Variants in SARM1 observed in about 807,000 individuals in gnomAD.
The protein encoded by SARM1 is sterile alpha and TIR motif containing 1.
In SARM1, 60 loss-of-function variants were observed where a neutral mutation model predicts 65.1. The ratio of observed to expected loss-of-function variants is 0.92; its 90% CI spans 0.75 to 1.14. The LOEUF is 1.14. Ranked by LOEUF, SARM1 falls within the 50% of genes most tolerant of loss-of-function variation. The pLI is 0.00. For synonymous variants in SARM1, 417 were observed against 465.4 expected, an observed-to-expected ratio of 0.90 and a Z score of 1.34; for missense variants, 913 against 1,015.7, an observed-to-expected ratio of 0.90 and a Z score of 1.37.
At position 28,381,206 on chromosome 17, in the gene SARM1, C is replaced by T. The variant is rs782409137; in HGVS notation, c.474C>T (p.Asp158=). 4.6e-5 allele frequency: 73 copies of T among 1,593,954 alleles called. No individual in the cohort carries two copies. The highest frequency in any genetic ancestry group is 2.1e-4 in the Admixed American group (12 of 57,736). Residue 158 remains aspartate (D), a synonymous_variant, in exon 2 of 9, where the codon GAC becomes GAT. Coordinates refer to ENST00000585482, the MANE Select transcript of SARM1 (RefSeq NM_015077.4). ...LEQILVAENR[D]RVARIGLGVI... ...CCCTTCCACTTTCACTGGGCAGAGA[C>T]CGCGTGGCGCGCATTGGGCTGGGCG...
intron 7 of SARM1, among the ~76,000 whole-genome samples, chr17:28,391,174 G>A (rs1555586806): frequency 1.3e-5 from 2 of 152,192 alleles, no homozygotes; most frequent in Non-Finnish European, 2.9e-5. Flanking sequence ...GCCATGGTGG[G>A]AGTATTTACA....
At chr17:28,380,208 A>C (rs1404764287) in intron 1 of SARM1, among the ~76,000 whole-genome samples, 38 of 149,304 alleles carry the variant, frequency 2.5e-4, no homozygotes, top group East Asian at 1.4e-3. Context: ...GGCATGAGCC[A>C]CCTTGCCCAG....
Position 28,400,745 on chromosome 17 carries a change from G to A in SARM1, c.*4459G>A. ...CAGCATGGCCAGGCTATTCACACAG[G>A]CCACAGCAGAAAAGAGAGCACCTGT... is the stretch of plus-strand genomic sequence containing the variant. On this transcript the variant is annotated 3_prime_UTR_variant, in exon 9 of 9. Coordinates refer to ENST00000585482, the MANE Select transcript of SARM1 (RefSeq NM_015077.4). 1.3e-6 allele frequency: 2 copies of A among 1,584,968 alleles called. No homozygotes were observed. The highest frequency in any genetic ancestry group is 1.3e-5 in the African/African-American group (1 of 74,450).
Position 28,384,296 on chromosome 17 carries a change from A to T in SARM1, c.1090-61A>T. 7.3e-7 allele frequency: 1 copy of T among 1,367,176 alleles called. No individual in the cohort carries two copies. Among genetic ancestry groups the T allele is most frequent in the Non-Finnish European group, 1.0e-6 (1 of 998,936 alleles). 84.7% of individuals were successfully genotyped at this position (1,367,176 alleles called of 1,614,324 possible). On this transcript the variant is annotated intron_variant, in intron 2 of 8. Coordinates refer to ENST00000585482, the MANE Select transcript of SARM1 (RefSeq NM_015077.4). The surrounding 1 kb of genome is among the most constrained non-coding windows in gnomAD (Gnocchi z 4.4). The stretch of plus-strand genomic sequence containing the variant: ...GAAGAGACAAGGAGAGGGACTGGGC[A>T]CGTGTGGGAGCACCTGGAGAGCTGG...
rs2068130202 is a variant in SARM1, at chr17:28,396,790, T to TA, written c.*505dup. On this transcript the variant is annotated 3_prime_UTR_variant, in exon 9 of 9. Coordinates refer to ENST00000585482, the MANE Select transcript of SARM1 (RefSeq NM_015077.4). ...TCAGACTGTGCCTGGCCCCTGCACT[T>TA]ACAACTTCCTGCCGCTCTGTGGCCT... is the stretch of plus-strand genomic sequence containing the variant. The TA allele has an allele frequency of 1.3e-5, 2 of 157,312 alleles. No individual in the cohort carries two copies. The highest frequency in any genetic ancestry group is 4.8e-5 in the African/African-American group (2 of 41,506). The allele number at this position is 157,312 out of a possible 1,614,324, so 9.7% of individuals were successfully genotyped here. A position where few individuals can be genotyped will look rare whatever the true frequency, so the allele number is the denominator to read the frequency against.
rs1008846302 is a variant in SARM1, at chr17:28,402,001, A to G, written c.*5715A>G. ...AATCCTCTGCTCTGGTTATCTAGAA[A>G]GAACATAATTGTGCTCTGCTGACTG... On this transcript the variant is annotated 3_prime_UTR_variant, in exon 9 of 9. Transcript: ENST00000585482. 2 of 427,248 alleles carry G rather than the reference A, an allele frequency of 4.7e-6. No homozygotes were observed. Among genetic ancestry groups the G allele is most frequent in the Admixed American group, 3.7e-5 (1 of 27,134 alleles). The allele number at this position is 427,248 out of a possible 1,614,324, so 26.5% of individuals were successfully genotyped here.
In SARM1 at chr17:28,384,793, A is replaced by G. The variant is rs782679353; in HGVS notation, c.1303-46A>G. 6.6e-7 allele frequency: 1 copy of G among 1,512,236 alleles called. No homozygotes were observed. The highest frequency in any genetic ancestry group is 2.5e-5 in the East Asian group (1 of 40,668). 93.7% of individuals were successfully genotyped at this position (1,512,236 alleles called of 1,614,324 possible). On this transcript the variant is annotated intron_variant, in intron 3 of 8. Transcript: ENST00000585482. The surrounding 1 kb of genome is among the most constrained non-coding windows in gnomAD (Gnocchi z 4.4). ...CCTTGCATCTTGTGCTCGAGGTCCAAGGGCGGAGTAGCGAAGCCCTTCCTG... is the reference window on the plus strand; with the variant it reads ...CCTTGCATCTTGTGCTCGAGGTCCAGGGGCGGAGTAGCGAAGCCCTTCCTG...
In SARM1 at chr17:28,400,500, A is replaced by C. The variant is rs1235337958; in HGVS notation, c.*4214A>C. On this transcript the variant is annotated 3_prime_UTR_variant, in exon 9 of 9. Coordinates refer to ENST00000585482, the MANE Select transcript of SARM1 (RefSeq NM_015077.4). ...AGGGGCAACCTGGGACAAGACACCC[A>C]GAGGGTAAGGATTCCAGGAATGAAG... The C allele has an allele frequency of 7.0e-7, 1 of 1,427,940 alleles. No individual in the cohort carries two copies. The highest frequency in any genetic ancestry group is 9.5e-7 in the Non-Finnish European group (1 of 1,053,732). The allele number at this position is 1,427,940 out of a possible 1,614,324, so 88.5% of individuals were successfully genotyped here. A position where few individuals can be genotyped will look rare whatever the true frequency, so the allele number is the denominator to read the frequency against.
At chr17:28,382,813 A>C (rs1273614226) in intron 2 of SARM1, among the ~76,000 whole-genome samples, 2 of 148,590 alleles carry the variant, frequency 1.3e-5, no homozygotes, top group Admixed American at 1.4e-4. Context: ...CAGCCTCCCA[A>C]GTAGCTGGGA....
At chr17:28,382,656 A>T (rs1274586777) in intron 2 of SARM1, among the ~76,000 whole-genome samples, 1 of 152,148 alleles carries the variant, frequency 6.6e-6, no homozygotes, top group African/African-American at 2.4e-5. Context: ...AAAATTCAGT[A>T]AATTGGACCA....
At chr17:28,374,970 C>CAAAA (rs35032822) in intron 1 of SARM1, among the ~76,000 whole-genome samples, 18 of 70,440 alleles carry the variant, frequency 2.6e-4, no homozygotes, top group East Asian at 7.8e-4. Context: ...CAGACCTTGT[C>CAAAA]AAAAAAAAAA....
intron 7 of SARM1, chr17:28,395,554 A>C: frequency 4.6e-6 from 1 of 218,826 alleles, no homozygotes; most frequent in East Asian, 1.1e-4. Flanking sequence ...CCAATCCTCT[A>C]GTCATGCCCT....
chr17:28,387,012 T>C (rs1409629620), intron 5 of SARM1, among the ~76,000 whole-genome samples: 1 of 152,188 alleles, frequency 6.6e-6, no homozygotes, highest in Non-Finnish European at 1.5e-5. Flanking sequence ...GTGTTGAGAT[T>C]ACGGGCGTGG....
intron 6 of SARM1, 32 bp downstream of exon 6, chr17:28,388,308 G>A (rs370037595): frequency 1.8e-4 from 293 of 1,601,692 alleles, no homozygotes; most frequent in African/African-American, 9.2e-4. Flanking sequence ...GCGACGGGGC[G>A]TGGGGACAAG....
Position 28,389,435 on chromosome 17 carries a change from C to T in SARM1, c.1923+896C>T, listed in dbSNP as rs1322670658. ...TTCAGTGCCTGACGCATTGTAGGAACTTATTGAATACTAACAGAATGCATT... is the reference window on the plus strand; with the variant it reads ...TTCAGTGCCTGACGCATTGTAGGAATTTATTGAATACTAACAGAATGCATT... On this transcript the variant is annotated intron_variant, in intron 7 of 8. Transcript: ENST00000585482. Among the ~76,000 whole-genome samples the T allele has an allele frequency of 3.9e-5, 6 of 152,274 alleles. No individual in the cohort carries two copies. In the South Asian group the frequency reaches 1.2e-3, roughly 32 times the overall value.
At chr17:28,388,302 C>T (rs1232182462) in intron 6 of SARM1, 26 bp downstream of exon 6, 18 of 1,588,094 alleles carry the variant, frequency 1.1e-5, no homozygotes, top group African/African-American at 2.7e-5. Flanking sequence ...CGGGCAGCGA[C>T]GGGGCGTGGG....
chr17:28,396,496 G>C lies in SARM1; in HGVS notation c.*210G>C, dbSNP rs1049059724. Reference sequence around the variant, plus strand: ...GGGAAGGGAAGTCAGGCTTGGGCACGGGAGGTTAGAACTCCCCCAGGCCCT... The same window carrying C: ...GGGAAGGGAAGTCAGGCTTGGGCACCGGAGGTTAGAACTCCCCCAGGCCCT... On this transcript the variant is annotated 3_prime_UTR_variant, in exon 9 of 9. Transcript: ENST00000585482. 2 of 613,750 alleles carry C rather than the reference G, an allele frequency of 3.3e-6. No individual in the cohort carries two copies. Among genetic ancestry groups the C allele is most frequent in the Non-Finnish European group, 5.6e-6 (2 of 354,980 alleles). 38.0% of individuals were successfully genotyped at this position (613,750 alleles called of 1,614,324 possible).
chr17:28,391,707 CA>C (rs1206857097), intron 7 of SARM1, among the ~76,000 whole-genome samples: 618 of 56,802 alleles, frequency 0.011, 3 homozygotes, highest in African/African-American at 0.019. Flanking sequence ...GCAATTGCAC[CA>C]AAAAAAAAAA....
At position 28,400,823 on chromosome 17, in the gene SARM1, G is replaced by T; in HGVS notation, c.*4537G>T. The T allele has an allele frequency of 6.7e-7, 1 of 1,483,168 alleles. No individual in the cohort carries two copies. The highest frequency in any genetic ancestry group is 9.2e-7 in the Non-Finnish European group (1 of 1,088,012). The allele number at this position is 1,483,168 out of a possible 1,614,324, so 91.9% of individuals were successfully genotyped here. On this transcript the variant is annotated 3_prime_UTR_variant, in exon 9 of 9. Coordinates refer to ENST00000585482, the MANE Select transcript of SARM1 (RefSeq NM_015077.4). ...CCGAAAGGGCCATATTCCAACTCTG[G>T]CACCACCACCTCACAGCTGTGTGAC...
Sources: gnomAD v4.1 joint callset for allele counts (sites outside exome capture counted in the v4.1 genomes callset) on GRCh38, gnomAD v4.1.1 for gene constraint, Gnocchi (gnomAD v3.1) non-coding constraint, MANE v1.5 for transcripts, NCBI Gene and HGNC (gene_info 2026-07-23, HGNC 2026-07-21) for gene names.